The following SAMD4A variants were observed in gnomAD, a reference collection of about 807,000 sequenced individuals.
SAMD4A encodes protein Smaug homolog 1.
SAMD4A carries 33 observed loss-of-function variants against 81.3 expected under a neutral mutation model. The observed-to-expected ratio is 0.41, with a 90% CI of 0.31 to 0.54. SAMD4A has a LOEUF of 0.54. Among genes scored for constraint, SAMD4A ranks in the 20% least tolerant of loss-of-function variants. SAMD4A has a pLI of 0.37. For synonymous variants in SAMD4A, 389 were observed against 382.1 expected (o/e 1.02, Z -0.21); for missense variants, 854 against 951.1 (o/e 0.90, Z 1.34).
chr14:54,782,130 C>T (rs566731205), intron 11 of SAMD4A, among the ~76,000 whole-genome samples: 2 of 152,284 alleles, frequency 1.3e-5, no homozygotes, highest in East Asian at 3.9e-4. Context: ...TCTCAGCCCC[C>T]TTTTTGGAAC....
Position 54,699,580 on chromosome 14 carries a change from A to G in SAMD4A, c.197-2482A>G, listed in dbSNP as rs376833331. 1.4e-3 allele frequency among the ~76,000 whole-genome samples: 220 copies of G among 152,358 alleles called. 1 individual carries two copies. Among genetic ancestry groups the G allele is most frequent in the African/African-American group, 5.1e-3 (213 of 41,576 alleles). On this transcript the variant is annotated intron_variant, in intron 2 of 12. Transcript: ENST00000554335. Reference sequence around the variant, plus strand: ...GACTTTTAAAAGATTTTTAAGACTTAATTCAAAAAAAGGAAAAATGGCTCA... The same window carrying G: ...GACTTTTAAAAGATTTTTAAGACTTGATTCAAAAAAAGGAAAAATGGCTCA...
At chr14:54,677,998 G>A (rs2036029820) in intron 2 of SAMD4A, among the ~76,000 whole-genome samples, 1 of 152,122 alleles carries the variant, frequency 6.6e-6, no homozygotes, top group African/African-American at 2.4e-5. Flanking sequence ...CACTAGGTTC[G>A]TGGCTGAGGC....
intron 2 of SAMD4A, among the ~76,000 whole-genome samples, chr14:54,626,053 T>TGA (rs1245903264): frequency 8.3e-6 from 1 of 120,140 alleles, no homozygotes; most frequent in South Asian, 2.5e-4. Context: ...TGTGTGTGTG[T>TGA]GTGTGTGCGC....
intron 3 of SAMD4A, among the ~76,000 whole-genome samples, chr14:54,734,522 T>C (rs957969301): frequency 7.9e-5 from 12 of 152,214 alleles, no homozygotes; most frequent in African/African-American, 2.9e-4. Context: ...TCATATCCCT[T>C]ATGACTTCAG....
chr14:54,658,998 T>C (rs911621), intron 2 of SAMD4A, among the ~76,000 whole-genome samples: 77,132 of 152,138 alleles, frequency 0.51, 20,057 homozygotes, highest in African/African-American at 0.58. Context: ...TGCACACCTG[T>C]AAATCAAGAA....
chr14:54,786,146 A>G (rs781637426), intron 12 of SAMD4A, among the ~76,000 whole-genome samples: 2 of 152,252 alleles, frequency 1.3e-5, no homozygotes, highest in Non-Finnish European at 2.9e-5. Context: ...AAACAGTGAA[A>G]GAGCATTCAG....
intron 3 of SAMD4A, among the ~76,000 whole-genome samples, chr14:54,729,204 G>A (rs750732070): frequency 9.2e-5 from 14 of 152,128 alleles, no homozygotes; most frequent in Non-Finnish European, 1.6e-4. Context: ...TCCAAACTTG[G>A]ATGGTCTTGC....
Position 54,626,543 on chromosome 14 carries a change from A to G in SAMD4A, c.196+58431A>G, listed in dbSNP as rs118088861. On this transcript the variant is annotated intron_variant, in intron 2 of 12. Coordinates refer to ENST00000554335, the MANE Select transcript of SAMD4A (RefSeq NM_015589.6). ...CCTTGTGGATACGTTGCTGATTGCT[A>G]GGTGATGGCCAACTTTGACTTTCCA... is the stretch of plus-strand genomic sequence containing the variant. Among the ~76,000 whole-genome samples the G allele has an allele frequency of 9.2e-3, 1,396 of 152,284 alleles. 11 individuals are homozygous for G. The highest frequency in any genetic ancestry group is 0.017 in the Admixed American group (255 of 15,300).
chr14:54,635,500 A>AAC, intron 2 of SAMD4A, among the ~76,000 whole-genome samples: 1 of 152,096 alleles, frequency 6.6e-6, no homozygotes, highest in Non-Finnish European at 1.5e-5. Context: ...CCGTAATCCC[A>AAC]ACACTTTGGG....
intron 2 of SAMD4A, among the ~76,000 whole-genome samples, chr14:54,663,872 C>A (rs1263600504): frequency 1.3e-5 from 2 of 152,168 alleles, no homozygotes; most frequent in Non-Finnish European, 2.9e-5. Context: ...AGTGAGCCAT[C>A]CCACCCATCC....
chr14:54,777,198 C>T (rs538393185), intron 11 of SAMD4A, among the ~76,000 whole-genome samples: 3 of 145,920 alleles, frequency 2.1e-5, no homozygotes, highest in Admixed American at 2.0e-4. Context: ...TCTGGATGGA[C>T]CCCCCCCCAC....
chr14:54,631,855 G>A (rs1329165238), intron 2 of SAMD4A, among the ~76,000 whole-genome samples: 2 of 152,296 alleles, frequency 1.3e-5, no homozygotes, highest in Middle Eastern at 3.4e-3. Context: ...AAACTTAAGT[G>A]TTGGTCTAAA....
At chr14:54,775,268 C>CAGAGGTAACAGCATTGTTCGCGT in intron 10 of SAMD4A, 133 bp downstream of exon 10, 1 of 916,510 alleles carries the variant, frequency 1.1e-6, no homozygotes, top group Non-Finnish European at 1.7e-6. Context: ...CACCATTCCT[C>CAGAGGTAACAGCATTGTTCGCGT]AGAGGTAACA....
chr14:54,580,274 T>C (rs1188708651), intron 2 of SAMD4A, among the ~76,000 whole-genome samples: 1 of 152,172 alleles, frequency 6.6e-6, no homozygotes, highest in African/African-American at 2.4e-5. Flanking sequence ...AGAGGCTCTA[T>C]TTACCTGAAT....
intron 11 of SAMD4A, among the ~76,000 whole-genome samples, chr14:54,779,107 T>A (rs1008686860): frequency 2.3e-4 from 35 of 151,450 alleles, no homozygotes; most frequent in African/African-American, 6.9e-4. Context: ...CAGAGCCGCT[T>A]CTGCTCTTCC....
intron 2 of SAMD4A, among the ~76,000 whole-genome samples, chr14:54,643,028 CTT>C (rs1214332410): frequency 1.3e-5 from 2 of 152,190 alleles, no homozygotes; most frequent in Non-Finnish European, 2.9e-5. Flanking sequence ...TCAGCTCCGT[CTT>C]TGCTTCCTCT....
intron 2 of SAMD4A, among the ~76,000 whole-genome samples, chr14:54,599,461 T>C (rs2033997803): frequency 6.6e-6 from 1 of 152,212 alleles, no homozygotes; most frequent in Non-Finnish European, 1.5e-5. Context: ...TCATAAGAAA[T>C]ATTTTTTCTC....
At position 54,587,571 on chromosome 14, in the gene SAMD4A, A is replaced by G. The variant is rs139520013; in HGVS notation, c.196+19459A>G. 3.9e-3 allele frequency among the ~76,000 whole-genome samples: 592 copies of G among 152,148 alleles called. 4 individuals carry two copies. Among genetic ancestry groups the G allele is most frequent in the African/African-American group, 0.014 (570 of 41,520 alleles). ...AATGTTGGCTGTGGCTTCTATGCCA[A>G]TTTTGCTGAGGGTTTTAATCATAAA... is the stretch of plus-strand genomic sequence containing the variant. On this transcript the variant is annotated intron_variant, in intron 2 of 12. Transcript: ENST00000554335.
intron 12 of SAMD4A, among the ~76,000 whole-genome samples, chr14:54,788,090 C>T (rs899500190): frequency 6.6e-5 from 10 of 152,210 alleles, no homozygotes; most frequent in African/African-American, 2.4e-4. Context: ...AGCACTCTCC[C>T]ACCTCCCCAA....
Sources: allele counts gnomAD v4.1 joint callset (sites outside exome capture counted in the v4.1 genomes callset), GRCh38; gene constraint gnomAD v4.1.1; transcripts MANE v1.5; gene names NCBI Gene and HGNC (gene_info 2026-07-23, HGNC 2026-07-21).